HMG20B: variants seen among roughly 807,000 people sequenced by gnomAD.
The protein encoded by HMG20B is SWI/SNF-related matrix-associated actin-dependent regulator of chromatin subfamily E member 1-related.
A neutral mutation model predicts 41.6 loss-of-function variants in HMG20B; 24 were observed. The observed-to-expected ratio is 0.58, with a 90% confidence interval of 0.42 to 0.81. HMG20B has a LOEUF of 0.81. Ranked by LOEUF, HMG20B falls within the 30% of genes least tolerant of loss-of-function variation. The pLI is 0.00. For missense variants in HMG20B, 461 were observed against 444.0 expected (o/e 1.04, Z -0.34); for synonymous variants, 251 against 186.6 (o/e 1.34, Z -2.81).
At chr19:3,577,142 GT>G in intron 8 of HMG20B, 35 bp downstream of exon 8, 1 of 1,393,844 alleles carries the variant, frequency 7.2e-7, no homozygotes, top group Non-Finnish European at 9.4e-7. Context: ...TCCCGCCCCG[GT>G]CACCCGGCCC....
intron 2 of HMG20B, 124 bp from the exon 3 acceptor site, chr19:3,573,568 T>TGCC (rs1281413679): frequency 2.0e-6 from 2 of 980,072 alleles, no homozygotes; most frequent in African/African-American, 3.4e-5. Context: ...CATCAGACCC[T>TGCC]GCCTCCTCGG....
At chr19:3,575,868 C>A (rs1363512143) in intron 5 of HMG20B, 9 of 494,440 alleles carry the variant, frequency 1.8e-5, no homozygotes, top group African/African-American at 1.2e-4. Context: ...TGCTTGAACC[C>A]GGGAGGTGGA....
chr19:3,576,292 C>A lies in HMG20B; in HGVS notation c.504C>A (p.Leu168=), dbSNP rs202025208. The A allele has an allele frequency of 6.2e-7, 1 of 1,612,846 alleles. No homozygotes were observed. Among genetic ancestry groups the A allele is most frequent in the Non-Finnish European group, 8.5e-7 (1 of 1,179,514 alleles). Residue 168 remains leucine, a synonymous_variant, in exon 6 of 10, where the codon CTC becomes CTA. Coordinates refer to ENST00000333651, the MANE Select transcript of HMG20B (RefSeq NM_006339.3). The part of the protein sequence containing the change: ...EDSSSGLMNT[L]LNGHKGGDCD... ...CGAGCTCTGGGCTCATGAACACTCT[C>A]CTGAATGGACACAAGGTAAGCGACC... is the stretch of plus-strand genomic sequence containing the variant.
chr19:3,575,531 GC>G lies in HMG20B; in HGVS notation c.352-3del. On this transcript the variant is annotated splice_polypyrimidine_tract_variant and splice_region_variant and intron_variant, in intron 4 of 9. Coordinates refer to ENST00000333651, the MANE Select transcript of HMG20B (RefSeq NM_006339.3). ...CCCCTGCTTCAAGCCTTCTGGTGCTGCCCCCCAGCGGTACCTGGATGAGGCC... is the reference window on the plus strand; with the variant it reads ...CCCCTGCTTCAAGCCTTCTGGTGCTGCCCCCAGCGGTACCTGGATGAGGCC... The G allele has an allele frequency of 3.2e-6, 5 of 1,562,670 alleles. No homozygotes were observed. The highest frequency in any genetic ancestry group is 3.8e-5 in the Admixed American group (2 of 52,462).
chr19:3,574,557 T>A lies in HMG20B; in HGVS notation c.322T>A (p.Trp108Arg), dbSNP rs1337743908. Residue 108 changes from tryptophan (W) to arginine (R), a missense_variant, in exon 4 of 10, where the codon TGG (tryptophan) becomes AGG (arginine). Physicochemically the swap from Trp to Arg is moderately radical, Grantham distance 101. Coordinates refer to ENST00000333651, the MANE Select transcript of HMG20B (RefSeq NM_006339.3). ...GATCACCAAGATGCTGGGCGCCGAGTGGAGCAAGCTGCAGCCAACGGAAAA... is the reference window on the plus strand; with the variant it reads ...GATCACCAAGATGCTGGGCGCCGAGAGGAGCAAGCTGCAGCCAACGGAAAA... ...PEITKMLGAE[W>R]SKLQPTEKQR... is the part of the protein sequence containing the mutation. The A allele has an allele frequency of 6.2e-7, 1 of 1,601,400 alleles. No individual in the cohort carries two copies.
chr19:3,578,495 C>T lies in HMG20B; in HGVS notation c.942-14C>T, dbSNP rs1342328968. The T allele has an allele frequency of 5.2e-6, 8 of 1,538,930 alleles. No individual in the cohort carries two copies. Among genetic ancestry groups the T allele is most frequent in the East Asian group, 2.4e-5 (1 of 42,246 alleles). On this transcript the variant is annotated splice_polypyrimidine_tract_variant and intron_variant, in intron 9 of 9. Transcript: ENST00000333651. ...GATGAGGGCCTCATCCCGGGCCCTC[C>T]TCTCTCGTTTCAGCGAGCACCTGTG...
chr19:3,576,814 A>G, intron 7 of HMG20B, 78 bp from the exon 8 acceptor site: 1 of 1,475,178 alleles, frequency 6.8e-7, no homozygotes, highest in Non-Finnish European at 9.2e-7. Context: ...AAACCTGGGC[A>G]GGGGCACGTC....
In HMG20B at chr19:3,578,560, G is replaced by A; in HGVS notation, c.*39G>A. 1 of 1,557,980 alleles carries A rather than the reference G, an allele frequency of 6.4e-7. No individual in the cohort carries two copies. Among genetic ancestry groups the A allele is most frequent in the Non-Finnish European group, 8.7e-7 (1 of 1,151,930 alleles). ...CCACGATGCAGAGGAGAAGCTGTGGGCGCGGCCCTGCCACACCCCACCCCG... is the reference window on the plus strand; with the variant it reads ...CCACGATGCAGAGGAGAAGCTGTGGACGCGGCCCTGCCACACCCCACCCCG... On this transcript the variant is annotated 3_prime_UTR_variant, in exon 10 of 10. Transcript: ENST00000333651.
At chr19:3,577,891 C>G (rs527584005) in intron 8 of HMG20B, 90 bp from the exon 9 acceptor site, 2 of 1,257,562 alleles carry the variant, frequency 1.6e-6, no homozygotes, top group African/African-American at 1.5e-5. Flanking sequence ...CCCGCGCGAC[C>G]CGCCCTGAGT....
intron 5 of HMG20B, 26 bp downstream of exon 5, chr19:3,575,686 C>G (rs528873304): frequency 6.6e-5 from 102 of 1,540,812 alleles, no homozygotes; most frequent in Non-Finnish European, 8.8e-5. Context: ...CGCGGTGGCT[C>G]ACGCCTGTCA....
At chr19:3,578,441 T>C (rs1430877338) in intron 9 of HMG20B, 68 bp from the exon 10 acceptor site, 17 of 1,458,858 alleles carry the variant, frequency 1.2e-5, no homozygotes, top group Non-Finnish European at 1.5e-5. Flanking sequence ...TCTCTGGGGT[T>C]CCCCAGGGCC....
intron 4 of HMG20B, 107 bp from the exon 5 acceptor site, chr19:3,575,433 A>C: frequency 1.3e-6 from 2 of 1,504,818 alleles, no homozygotes; most frequent in Non-Finnish European, 1.8e-6. Flanking sequence ...ATAGGGAGCT[A>C]TAGAAGGTTC....
intron 5 of HMG20B, chr19:3,575,943 CAAAAAAAAAA>C (rs71166913): frequency 4.0e-4 from 117 of 289,552 alleles, no homozygotes; most frequent in African/African-American, 3.6e-3. Context: ...GACTCCGTCT[CAAAAAAAAAA>C]AAAAAAGAAA....
chr19:3,575,601 A>G lies in HMG20B; in HGVS notation c.413A>G (p.Gln138Arg). 2 of 1,553,472 alleles carry G rather than the reference A, an allele frequency of 1.3e-6. No individual in the cohort carries two copies. Among genetic ancestry groups the G allele is most frequent in the Non-Finnish European group, 1.7e-6 (2 of 1,148,266 alleles). The change falls in exon 5 of 10, where the codon CAG becomes CGG. Residue 138 changes from glutamine (Q) to arginine (R), a missense_variant. Around this residue, in one of 3 missense-constraint regions of HMG20B, gnomAD observed 308 missense variants for 283.4 expected, o/e 1.09. Transcript: ENST00000333651. Reference protein sequence around the residue: ...QQYMKELRAYQQSEAYKMCTE... With the variant: ...QQYMKELRAYRQSEAYKMCTE... Reference sequence around the variant, plus strand: ...TACATGAAGGAGCTGCGGGCGTACCAGCAGTCTGAAGCCTATAAGATGTGC... The same window carrying G: ...TACATGAAGGAGCTGCGGGCGTACCGGCAGTCTGAAGCCTATAAGATGTGC...
chr19:3,576,064 T>A (rs2032154922), intron 5 of HMG20B, 197 bp from the exon 6 acceptor site: 2 of 611,028 alleles, frequency 3.3e-6, no homozygotes, highest in Non-Finnish European at 5.8e-6. Context: ...TGGGGCACAG[T>A]CCCGTGGGTT....
intron 8 of HMG20B, among the ~76,000 whole-genome samples, chr19:3,577,538 CCCGACCAGCCT>C (rs944069562): frequency 8.9e-5 from 13 of 146,832 alleles, no homozygotes; most frequent in African/African-American, 3.3e-4. Context: ...CTCGCCAGCC[CCCGACCAGCCT>C]GAGCACTGAC....
At chr19:3,574,314 C>T in intron 3 of HMG20B, 69 bp from the exon 4 acceptor site, 2 of 1,402,580 alleles carry the variant, frequency 1.4e-6, no homozygotes. Context: ...TTAGGCCCCG[C>T]CCATGCCCCT....
rs1018814860 is a variant in HMG20B, at chr19:3,573,037, G to A, written c.-19+43G>A. 1.4e-5 allele frequency: 6 copies of A among 417,610 alleles called. No individual in the cohort carries two copies. In the South Asian group the frequency reaches 2.9e-4, roughly 20 times the overall value. The allele number at this position is 417,610 out of a possible 1,614,324, so 25.9% of individuals were successfully genotyped here. On this transcript the variant is annotated intron_variant, in intron 1 of 9. Coordinates refer to ENST00000333651, the MANE Select transcript of HMG20B (RefSeq NM_006339.3). ...ACTCCGGGCCCTGAGAGGGGGCGGG[G>A]GTGCAGGGGTCCCAGGGCCGGGCCG...
intron 9 of HMG20B, 184 bp downstream of exon 9, chr19:3,578,297 G>A: frequency 8.9e-7 from 1 of 1,125,362 alleles, no homozygotes; most frequent in South Asian, 1.6e-5. Flanking sequence ...GGAGAACCCC[G>A]GGCCGGCGGG....
Sources: gnomAD v4.1 joint callset for allele counts (sites outside exome capture counted in the v4.1 genomes callset) on GRCh38, gnomAD v4.1.1 for gene constraint, gnomAD v4.1.1 regional missense constraint, MANE v1.5 for transcripts, NCBI Gene and HGNC (gene_info 2026-07-23, HGNC 2026-07-21) for gene names.